The following IL21R variants were observed in gnomAD, a reference collection of about 807,000 sequenced individuals.
The protein encoded by IL21R is interleukin-21 receptor.
Under a neutral mutation model 41.3 loss-of-function variants are expected in IL21R, and 14 were observed. The observed-to-expected ratio is 0.34, with a 90% confidence interval of 0.22 to 0.53. IL21R has a LOEUF of 0.53. Ranked by LOEUF, IL21R falls within the 20% of genes least tolerant of loss-of-function variation. The pLI, the probability that IL21R is intolerant of heterozygous loss-of-function variation, is 0.94. For synonymous variants in IL21R, 286 were observed against 287.6 expected, an observed-to-expected ratio of 0.99 and a Z score of 0.05; for missense variants, 588 against 681.6, an observed-to-expected ratio of 0.86 and a Z score of 1.53.
intron 1 of IL21R, among the ~76,000 whole-genome samples, chr16:27,424,355 T>C (rs1054878604): frequency 2.6e-5 from 4 of 152,222 alleles, no homozygotes; most frequent in Non-Finnish European, 5.9e-5. Flanking sequence ...ATTACAGGCA[T>C]GAGCCACCAC....
intron 1 of IL21R, among the ~76,000 whole-genome samples, chr16:27,411,569 T>A (rs1193885760): frequency 1.3e-5 from 2 of 149,544 alleles, no homozygotes; most frequent in African/African-American, 4.9e-5. Flanking sequence ...TTCAAGCAAT[T>A]CTCCTGCCTC....
At chr16:27,416,195 G>C (rs2086892157) in intron 1 of IL21R, among the ~76,000 whole-genome samples, 1 of 152,024 alleles carries the variant, frequency 6.6e-6, no homozygotes. Context: ...TCTCACCCAG[G>C]CTGGAGTTGC....
intron 4 of IL21R, among the ~76,000 whole-genome samples, chr16:27,439,295 GAC>G (rs2141298386): frequency 6.6e-6 from 1 of 151,902 alleles, no homozygotes; most frequent in Non-Finnish European, 1.5e-5. Flanking sequence ...GCATGGCATG[GAC>G]ACAGAGGCCC....
At chr16:27,430,856 G>A (rs1373183157) in intron 2 of IL21R, among the ~76,000 whole-genome samples, 3 of 152,094 alleles carry the variant, frequency 2.0e-5, no homozygotes, top group African/African-American at 2.4e-5. Context: ...CAAAAAAATC[G>A]CTAGATTCTT....
rs2087418017 is a variant in IL21R at position 27,443,090 on chromosome 16, A to G, written c.481A>G (p.Arg161Gly). 6.2e-7 allele frequency: 1 copy of G among 1,613,558 alleles called. No individual in the cohort carries two copies. Among genetic ancestry groups the G allele is most frequent in the Non-Finnish European group, 8.5e-7 (1 of 1,179,732 alleles). ...CAAGCTTCAGTATGAGCTGCAGTAC[A>G]GGAACCGGGGAGACCCCTGGGCTGT... is the stretch of plus-strand genomic sequence containing the variant. ...KGKLQYELQY[R>G]NRGDPWAVSP... Residue 161 changes from arginine to glycine, a missense_variant, in exon 5 of 9, where the codon AGG becomes GGG. Transcript: ENST00000337929.
At chr16:27,439,770 C>G (rs534956374) in intron 4 of IL21R, among the ~76,000 whole-genome samples, 2 of 152,214 alleles carry the variant, frequency 1.3e-5, no homozygotes, top group South Asian at 4.1e-4. Flanking sequence ...GGATCTGCAG[C>G]TAGCCTGGTC....
chr16:27,421,085 G>C (rs1327664479), intron 1 of IL21R, among the ~76,000 whole-genome samples: 1 of 151,994 alleles, frequency 6.6e-6, no homozygotes. Flanking sequence ...CCATTGAATT[G>C]TTTTGGCACC....
intron 1 of IL21R, among the ~76,000 whole-genome samples, chr16:27,428,795 T>C (rs1387267551): frequency 6.6e-6 from 1 of 152,236 alleles, no homozygotes; most frequent in African/African-American, 2.4e-5. Context: ...CTGGATTTCC[T>C]AGCATGCTCC....
intron 1 of IL21R, among the ~76,000 whole-genome samples, chr16:27,413,576 CTT>C (rs35600189): frequency 7.9e-5 from 11 of 140,090 alleles, no homozygotes; most frequent in African/African-American, 1.3e-4. Context: ...TGGTCTTGGC[CTT>C]TTTTTTTTTT....
At chr16:27,417,503 T>C (rs2086909193) in intron 1 of IL21R, among the ~76,000 whole-genome samples, 1 of 152,212 alleles carries the variant, frequency 6.6e-6, no homozygotes. Context: ...TGAAATTTCT[T>C]GGTCATATGG....
In IL21R at chr16:27,437,559, C is replaced by T. The variant is rs747751606; in HGVS notation, c.224C>T (p.Thr75Met). The T allele has an allele frequency of 7.4e-6, 12 of 1,614,090 alleles. No individual in the cohort carries two copies. Among genetic ancestry groups the T allele is most frequent in the Non-Finnish European group, 6.8e-6 (8 of 1,180,008 alleles). ...CTCCACAGGTCGGCCCACAATGCCACGCATGCCACCTACACCTGCCACATG... is the reference window on the plus strand; with the variant it reads ...CTCCACAGGTCGGCCCACAATGCCATGCATGCCACCTACACCTGCCACATG... Reference protein sequence around the residue: ...CSLHRSAHNATHATYTCHMDV... With the variant: ...CSLHRSAHNAMHATYTCHMDV... The change falls in exon 4 of 9, where the codon ACG (threonine) becomes ATG (methionine). Residue 75 changes from threonine (T) to methionine (M), a missense_variant. Transcript: ENST00000337929.
Position 27,449,518 on chromosome 16 carries a change from C to A in IL21R, c.*235C>A, listed in dbSNP as rs2087553856. 1.8e-6 allele frequency: 1 copy of A among 563,560 alleles called. No homozygotes were observed. The highest frequency in any genetic ancestry group is 3.4e-5 in the Admixed American group (1 of 29,518). 34.9% of individuals were successfully genotyped at this position (563,560 alleles called of 1,614,324 possible). ...GCATGTCCACGTGTGTGTGTGATTG[C>A]ACGTGCCTGTGGGCCTGGGATAATG... On this transcript the variant is annotated 3_prime_UTR_variant, in exon 9 of 9. Coordinates refer to ENST00000337929, the MANE Select transcript of IL21R (RefSeq NM_181078.3).
At position 27,445,203 on chromosome 16, in the gene IL21R, C is replaced by T; in HGVS notation, c.712C>T (p.Leu238=). Reference sequence around the variant, plus strand: ...GTTAAAGGAAGGCTGGAACCCTCACCTGCTGCTTCTCCTCCTGCTTGTCAT... The same window carrying T: ...GTTAAAGGAAGGCTGGAACCCTCACTTGCTGCTTCTCCTCCTGCTTGTCAT... ...EELKEGWNPH[L]LLLLLLVIVF... The change falls in exon 7 of 9, where the codon CTG becomes TTG. Residue 238 remains leucine, a synonymous_variant. Transcript: ENST00000337929. 1.9e-6 allele frequency: 3 copies of T among 1,614,010 alleles called. No homozygotes were observed. The highest frequency in any genetic ancestry group is 2.2e-5 in the South Asian group (2 of 91,060).
Position 27,430,973 on chromosome 16 carries a change from G to A in IL21R, c.49+853G>A, listed in dbSNP as rs571631066. On this transcript the variant is annotated intron_variant, in intron 2 of 8. Transcript: ENST00000337929. The stretch of plus-strand genomic sequence containing the variant: ...ACCAGATGTTGTGGTTAGAGGGGGT[G>A]ACGTTAGAAAGCAGAACTGGGAAGA... 3.1e-3 allele frequency among the ~76,000 whole-genome samples: 475 copies of A among 152,300 alleles called. 4 individuals are homozygous for A. The highest frequency in any genetic ancestry group is 5.4e-3 in the Non-Finnish European group (370 of 68,022).
At chr16:27,437,380 C>T in intron 3 of IL21R, 108 bp from the exon 4 acceptor site, 1 of 907,936 alleles carries the variant, frequency 1.1e-6, no homozygotes, top group South Asian at 1.4e-5. Context: ...CCTCAAATCC[C>T]TCCCAGCCCT....
intron 4 of IL21R, among the ~76,000 whole-genome samples, chr16:27,442,313 G>A (rs1329688614): frequency 6.6e-6 from 1 of 152,106 alleles, no homozygotes; most frequent in East Asian, 1.9e-4. Flanking sequence ...ACTTAGAAAA[G>A]CTGACCACTC....
intron 8 of IL21R, 113 bp from the exon 9 acceptor site, chr16:27,448,421 T>A (rs56240730): frequency 1.7e-6 from 2 of 1,165,700 alleles, no homozygotes; most frequent in East Asian, 5.2e-5. Flanking sequence ...CACCACTGCA[T>A]TCCAGCCTGG....
Position 27,434,434 on chromosome 16 carries a change from C to T in IL21R, c.137C>T (p.Thr46Met), listed in dbSNP as rs137946070. 5.6e-3 allele frequency: 9,056 copies of T among 1,611,872 alleles called. 43 individuals carry two copies. Among genetic ancestry groups the T allele is most frequent in the Non-Finnish European group, 6.6e-3 (7,754 of 1,178,102 alleles). Residue 46 changes from threonine (T) to methionine (M), a missense_variant, in exon 3 of 9, where the codon ACG (threonine) becomes ATG (methionine). Coordinates refer to ENST00000337929, the MANE Select transcript of IL21R (RefSeq NM_181078.3). ...ILEMWNLHPS[T>M]LTLTWQDQYE... ...GAAATGTGGAACCTCCACCCCAGCA[C>T]GCTCACCCTTACCTGGTAAGTAGCC...
intron 1 of IL21R, among the ~76,000 whole-genome samples, chr16:27,419,828 A>ATTG (rs908592202): frequency 1.3e-4 from 6 of 45,906 alleles, no homozygotes; most frequent in Non-Finnish European, 2.1e-4. Context: ...TATTATTATT[A>ATTG]TTATTATTAT....
Sources: gnomAD v4.1 joint callset for allele counts (sites outside exome capture counted in the v4.1 genomes callset) on GRCh38, gnomAD v4.1.1 for gene constraint, MANE v1.5 for transcripts, NCBI Gene and HGNC (gene_info 2026-07-23, HGNC 2026-07-21) for gene names.